Variants in KIF26B observed in about 807,000 individuals in gnomAD.
KIF26B encodes kinesin family member 26B.
KIF26B carries 63 observed loss-of-function variants against 151.2 expected under a neutral mutation model. That is an observed-to-expected ratio of 0.42 (90% confidence interval 0.34 to 0.51). The LOEUF (loss-of-function observed/expected upper bound fraction) is 0.51. Among genes scored for constraint, KIF26B ranks in the 20% least tolerant of loss-of-function variants. The pLI is 0.07. For missense variants in KIF26B, 2,813 were observed against 2,913.6 expected, an observed-to-expected ratio of 0.97 and a Z score of 0.79; for synonymous variants, 1,357 against 1,262.1, an observed-to-expected ratio of 1.08 and a Z score of -1.59.
intron 4 of KIF26B, among the ~76,000 whole-genome samples, chr1:245,493,094 A>T (rs1334090826): frequency 3.3e-5 from 5 of 152,072 alleles, no homozygotes; most frequent in African/African-American, 1.2e-4. Flanking sequence ...ATAAGTCTTA[A>T]ACCAAATTCT....
rs1461562666 is a variant in KIF26B, at chr1:245,241,244, A to ACC, written c.465+84562_465+84563dup. Among the ~76,000 whole-genome samples, 1 of 152,080 alleles carries ACC rather than the reference A, an allele frequency of 6.6e-6. No individual in the cohort carries two copies. The highest frequency in any genetic ancestry group is 1.5e-5 in the Non-Finnish European group (1 of 68,014). ...TAATCTGTGAAGTGAAGGTGGAATG[A>ACC]CCAGGATGGCCAGAGCCAGAGGAAG... On this transcript the variant is annotated intron_variant, in intron 2 of 14. Coordinates refer to ENST00000407071, the MANE Select transcript of KIF26B (RefSeq NM_018012.4). The surrounding 1 kb of genome is among the most constrained non-coding windows in gnomAD (Gnocchi z 5.0).
intron 5 of KIF26B, among the ~76,000 whole-genome samples, chr1:245,570,054 G>A (rs2043052068): frequency 6.9e-6 from 1 of 144,208 alleles, no homozygotes. Flanking sequence ...TCCTGCCTCA[G>A]CCTCCGGAGT....
At chr1:245,157,146 A>G (rs773875105) in intron 2 of KIF26B, among the ~76,000 whole-genome samples, 1 of 152,182 alleles carries the variant, frequency 6.6e-6, no homozygotes, top group Non-Finnish European at 1.5e-5. Context: ...GGTTGCAGAA[A>G]CAGAAACATA....
At chr1:245,467,830 G>C (rs1659828803) in intron 4 of KIF26B, among the ~76,000 whole-genome samples, 1 of 152,112 alleles carries the variant, frequency 6.6e-6, no homozygotes, top group Admixed American at 6.5e-5. Flanking sequence ...AGGAGGTGGA[G>C]GTTGCAGTGA....
chr1:245,625,756 C>T (rs1235729337), intron 9 of KIF26B, among the ~76,000 whole-genome samples: 1 of 152,046 alleles, frequency 6.6e-6, no homozygotes, highest in Non-Finnish European at 1.5e-5. Flanking sequence ...TGTTAACCCA[C>T]CTGTTTTATC....
chr1:245,676,192 T>G (rs2044355404), intron 10 of KIF26B: 1 of 152,242 alleles, frequency 6.6e-6, no homozygotes, highest in Non-Finnish European at 1.5e-5. Context: ...CCTTGAAAAT[T>G]TCTAATATCG....
At position 245,684,394 on chromosome 1, in the gene KIF26B, AG is replaced by A; in HGVS notation, c.2421+1del. ...TTGAGGATGAAGAAAAAGAAGACGA[AG>A]GTAAGGAGCTCGCGGGGTGGGGGGG... ...RVLRMKKKKT[K>X]YTSSSSGGES... On this transcript the variant is annotated frameshift_variant and splice_region_variant, in exon 11 of 15. Coordinates refer to ENST00000407071, the MANE Select transcript of KIF26B (RefSeq NM_018012.4). LOFTEE classifies it high-confidence loss of function. 1 of 1,579,232 alleles carries A rather than the reference AG, an allele frequency of 6.3e-7. No individual in the cohort carries two copies.
intron 4 of KIF26B, among the ~76,000 whole-genome samples, chr1:245,441,672 G>A (rs1020720784): frequency 3.9e-5 from 6 of 152,258 alleles, no homozygotes; most frequent in African/African-American, 1.4e-4. Context: ...GATAATCAAG[G>A]CTAACAATCC....
At chr1:245,653,763 A>G (rs1329586337) in intron 10 of KIF26B, among the ~76,000 whole-genome samples, 1 of 152,200 alleles carries the variant, frequency 6.6e-6, no homozygotes, top group African/African-American at 2.4e-5. Flanking sequence ...GTAGTTGATT[A>G]TAAGTAAAAG....
chr1:245,531,248 A>G (rs1027075908), intron 4 of KIF26B, among the ~76,000 whole-genome samples: 4 of 152,202 alleles, frequency 2.6e-5, no homozygotes, highest in African/African-American at 9.7e-5. Context: ...AATGATTATC[A>G]TTTGGTTTTA....
chr1:245,560,292 C>T lies in KIF26B; in HGVS notation c.1350+19342C>T, dbSNP rs1029552668. On this transcript the variant is annotated intron_variant, in intron 5 of 14. Transcript: ENST00000407071. This position sits in a 1 kb window ranked among gnomAD's most constrained non-coding sequence, Gnocchi z 4.3. ...CCCTTTTGGAAGGAGACCCAGATAC[C>T]CTCCAGACATAGGTCCGGCCTCTCA... is the stretch of plus-strand genomic sequence containing the variant. Among the ~76,000 whole-genome samples, 26 of 152,138 alleles carry T rather than the reference C, an allele frequency of 1.7e-4. No individual in the cohort carries two copies. The highest frequency in any genetic ancestry group is 6.3e-4 in the African/African-American group (26 of 41,436).
chr1:245,407,834 T>A (rs57165718), intron 3 of KIF26B, among the ~76,000 whole-genome samples: 11,285 of 152,204 alleles, frequency 0.074, 607 homozygotes, highest in African/African-American at 0.15. Context: ...TAAGGTTGAC[T>A]ATTTACTTGG....
chr1:245,172,742 G>A (rs1008017205), intron 2 of KIF26B, among the ~76,000 whole-genome samples: 7 of 152,134 alleles, frequency 4.6e-5, no homozygotes, highest in Non-Finnish European at 8.8e-5. Flanking sequence ...CCCAGGAGGC[G>A]GAGGTTGCAG....
At chr1:245,447,080 G>T (rs1223465698) in intron 4 of KIF26B, among the ~76,000 whole-genome samples, 1 of 152,148 alleles carries the variant, frequency 6.6e-6, no homozygotes, top group Non-Finnish European at 1.5e-5. Flanking sequence ...TGCAGCTCTT[G>T]GTTCTGTTTT....
At chr1:245,551,792 T>C (rs567794118) in intron 5 of KIF26B, among the ~76,000 whole-genome samples, 2 of 152,264 alleles carry the variant, frequency 1.3e-5, no homozygotes, top group Non-Finnish European at 2.9e-5. Flanking sequence ...ATCCTGTGGA[T>C]ATCAGTGAAA....
At chr1:245,391,191 A>G (rs1214204128) in intron 3 of KIF26B, among the ~76,000 whole-genome samples, 13 of 152,168 alleles carry the variant, frequency 8.5e-5, no homozygotes. Context: ...AAATCTTGCA[A>G]CATAAGATCC....
chr1:245,288,743 C>T lies in KIF26B; in HGVS notation c.466-78091C>T, dbSNP rs540184629. Among the ~76,000 whole-genome samples the T allele has an allele frequency of 1.3e-3, 203 of 152,264 alleles. 1 individual carries two copies. The highest frequency in any genetic ancestry group is 4.7e-3 in the African/African-American group (195 of 41,548). On this transcript the variant is annotated intron_variant, in intron 2 of 14. Transcript: ENST00000407071. ...CCATGCATAGGTTTGTGAATTAGTT[C>T]TTATAACCTCCCTATAATTACAGAA...
intron 3 of KIF26B, among the ~76,000 whole-genome samples, chr1:245,387,226 G>A (rs558403580): frequency 5.3e-5 from 8 of 150,464 alleles, no homozygotes; most frequent in South Asian, 4.2e-4. Context: ...GTGCAGTGGC[G>A]TGATCTCTGC....
intron 2 of KIF26B, among the ~76,000 whole-genome samples, chr1:245,279,745 T>C (rs1022407424): frequency 6.8e-6 from 1 of 147,282 alleles, no homozygotes; most frequent in Non-Finnish European, 1.5e-5. Flanking sequence ...TAATCACTCT[T>C]TTTTTTTTTT....
Sources: gnomAD v4.1 joint callset for allele counts (sites outside exome capture counted in the v4.1 genomes callset) on GRCh38, gnomAD v4.1.1 for gene constraint, Gnocchi (gnomAD v3.1) non-coding constraint, MANE v1.5 for transcripts, NCBI Gene and HGNC (gene_info 2026-07-23, HGNC 2026-07-21) for gene names.